The following DAB2IP variants were observed in gnomAD, a reference collection of about 807,000 sequenced individuals.
DAB2IP encodes DAB2 interacting protein, also known as disabled homolog 2-interacting protein.
Under a neutral mutation model 107.2 loss-of-function variants are expected in DAB2IP, and 28 were observed. The observed-to-expected ratio is 0.26, with a 90% CI of 0.19 to 0.36. DAB2IP has a LOEUF of 0.36. Among genes scored for constraint, DAB2IP ranks in the 10% least tolerant of loss-of-function variants. The pLI, the probability that DAB2IP is intolerant of heterozygous loss-of-function variation, is 1.00. For synonymous variants in DAB2IP, 755 were observed against 706.4 expected, an observed-to-expected ratio of 1.07 and a Z score of -1.09; for missense variants, 1,400 against 1,644.7, an observed-to-expected ratio of 0.85 and a Z score of 2.57.
intron 1 of DAB2IP, among the ~76,000 whole-genome samples, chr9:121,622,310 C>G (rs1055953845): frequency 1.3e-5 from 2 of 152,168 alleles, no homozygotes; most frequent in South Asian, 4.2e-4. Context: ...CTTACCCTCC[C>G]CTTGGCTCCT....
At chr9:121,757,200 C>G in intron 4 of DAB2IP, 34 bp downstream of exon 4, 4 of 1,604,946 alleles carry the variant, frequency 2.5e-6, no homozygotes, top group Non-Finnish European at 1.7e-6. Context: ...GGTGGACACC[C>G]CATCCTCTCC....
chr9:121,602,840 A>G (rs560768293), intron 1 of DAB2IP, among the ~76,000 whole-genome samples: 49 of 152,194 alleles, frequency 3.2e-4, no homozygotes, highest in Middle Eastern at 6.8e-3. Context: ...CTCCCAAAGT[A>G]CTGGGATTAC....
chr9:121,667,412 C>T (rs916060621), intron 1 of DAB2IP, among the ~76,000 whole-genome samples: 6 of 152,184 alleles, frequency 3.9e-5, no homozygotes, highest in Non-Finnish European at 7.3e-5. Flanking sequence ...TCACTTTCCA[C>T]GTGGGAGCTA....
chr9:121,710,597 G>A (rs1490339468), intron 3 of DAB2IP, among the ~76,000 whole-genome samples: 2 of 152,220 alleles, frequency 1.3e-5, no homozygotes, highest in African/African-American at 2.4e-5. Context: ...GTGAGGTGGG[G>A]CAGGTACAAG....
intron 3 of DAB2IP, among the ~76,000 whole-genome samples, chr9:121,708,893 G>C (rs766994090): frequency 1.1e-4 from 16 of 152,200 alleles, no homozygotes; most frequent in Admixed American, 2.0e-4. Context: ...GAGAGACTAG[G>C]CCAGGTGGGG....
chr9:121,712,969 A>G (rs1830410424), intron 3 of DAB2IP, among the ~76,000 whole-genome samples: 1 of 152,178 alleles, frequency 6.6e-6, no homozygotes, highest in South Asian at 2.1e-4. Context: ...ATCTCCAGCA[A>G]TGGGGAGCTC....
intron 1 of DAB2IP, among the ~76,000 whole-genome samples, chr9:121,593,753 C>T (rs1564688913): frequency 1.3e-5 from 2 of 149,602 alleles, no homozygotes; most frequent in African/African-American, 4.9e-5. Flanking sequence ...CTGCAACCTC[C>T]ACCTTCCAGG....
chr9:121,666,903 CACACACACACACA>C (rs1206221589), intron 1 of DAB2IP, among the ~76,000 whole-genome samples: 60 of 127,758 alleles, frequency 4.7e-4, no homozygotes, highest in African/African-American at 1.5e-3. Flanking sequence ...CACACACACA[CACACACACACACA>C]ACACTCTTAA....
chr9:121,630,690 C>T (rs981304597), intron 1 of DAB2IP, among the ~76,000 whole-genome samples: 1 of 151,602 alleles, frequency 6.6e-6, no homozygotes, highest in Admixed American at 6.6e-5. Context: ...TCACTGCAAC[C>T]TCCGCCTCCC....
intron 9 of DAB2IP, among the ~76,000 whole-genome samples, chr9:121,767,303 G>A (rs1259440478): frequency 3.3e-5 from 5 of 152,264 alleles, no homozygotes; most frequent in South Asian, 2.1e-4. Context: ...GGGGCCATCT[G>A]TGTGCTGGGC....
Position 121,587,232 on chromosome 9 carries a change from G to A in DAB2IP, c.40+20004G>A, listed in dbSNP as rs73661762. ...GATCTGGGAGGCTTCCTGGAAGAGCGGATTTGGGAAAGTGCAGTGTAGGCA... is the reference window on the plus strand; with the variant it reads ...GATCTGGGAGGCTTCCTGGAAGAGCAGATTTGGGAAAGTGCAGTGTAGGCA... On this transcript the variant is annotated intron_variant, in intron 1 of 16. Transcript: ENST00000259371. 3.4e-3 allele frequency among the ~76,000 whole-genome samples: 520 copies of A among 151,986 alleles called. 1 individual carries two copies. The highest frequency in any genetic ancestry group is 0.012 in the African/African-American group (498 of 41,402).
chr9:121,750,595 G>A (rs1833046486), intron 3 of DAB2IP, among the ~76,000 whole-genome samples: 1 of 152,152 alleles, frequency 6.6e-6, no homozygotes, highest in Admixed American at 6.5e-5. Flanking sequence ...CTCCCTCTGA[G>A]CTTTCGAGAT....
chr9:121,682,923 A>G (rs1280170706), intron 2 of DAB2IP, among the ~76,000 whole-genome samples: 1 of 152,010 alleles, frequency 6.6e-6, no homozygotes, highest in East Asian at 1.9e-4. Context: ...CGAGGCTGGC[A>G]TGTGCCCTGC....
chr9:121,676,502 T>C (rs921602242), intron 1 of DAB2IP, among the ~76,000 whole-genome samples: 4 of 152,226 alleles, frequency 2.6e-5, no homozygotes, highest in Non-Finnish European at 4.4e-5. Context: ...GGGAAACCTC[T>C]GCCCTGTCCT....
At chr9:121,715,333 TTTTCTTTTTCTTTC>T (rs1435989675) in intron 3 of DAB2IP, among the ~76,000 whole-genome samples, 1 of 151,342 alleles carries the variant, frequency 6.6e-6, no homozygotes, top group Non-Finnish European at 1.5e-5. Context: ...GTAGTTTTCT[TTTTCTTTTTCTTTC>T]TTTCTTTTTT....
rs1834915509 is a variant in DAB2IP, at chr9:121,773,316, GC to G, written c.2794del (p.Arg932AlafsTer9). The G allele has an allele frequency of 2.1e-6, 3 of 1,428,412 alleles. No individual in the cohort carries two copies. The highest frequency in any genetic ancestry group is 1.9e-5 in the African/African-American group (1 of 53,456). 88.5% of individuals were successfully genotyped at this position (1,428,412 alleles called of 1,614,324 possible). A position where few individuals can be genotyped will look rare whatever the true frequency, so the allele number is the denominator to read the frequency against. On this transcript the variant is annotated frameshift_variant, in exon 12 of 16. Transcript: ENST00000408936. LOFTEE classifies it high-confidence loss of function. ...GCCCCCACCCCCGCCGCCACCTCCT[GC>G]CCCCCGCGGCCGGACGCCCCCCAAC...
intron 1 of DAB2IP, among the ~76,000 whole-genome samples, chr9:121,582,593 C>A (rs957518838): frequency 2.6e-5 from 4 of 152,016 alleles, no homozygotes; most frequent in African/African-American, 9.7e-5. Flanking sequence ...GCTCTCCGGA[C>A]CCCTGGCCAC....
chr9:121,758,966 G>A, exon 5 of DAB2IP: 5 of 1,613,534 alleles, frequency 3.1e-6, no homozygotes, highest in Non-Finnish European at 4.2e-6. Flanking sequence ...AGTGGATGGA[G>A]AACCTCCGGC....
upstream of DAB2IP, among the ~76,000 whole-genome samples, chr9:121,647,861 T>C (rs950490519): frequency 2.0e-5 from 3 of 149,534 alleles, no homozygotes; most frequent in African/African-American, 7.3e-5. Flanking sequence ...TACATACATA[T>C]ACGTATTATA....
Sources: gnomAD v4.1 joint callset for allele counts (sites outside exome capture counted in the v4.1 genomes callset) on GRCh38, gnomAD v4.1.1 for gene constraint, MANE v1.5 for transcripts, NCBI Gene and HGNC (gene_info 2026-07-23, HGNC 2026-07-21) for gene names.